The following ANKRD13A variants were observed in gnomAD, a reference collection of about 807,000 sequenced individuals.
ANKRD13A encodes the protein ankyrin repeat domain-containing protein 13A.
ANKRD13A carries 48 observed loss-of-function variants against 81.3 expected under a neutral mutation model. That is an observed-to-expected ratio of 0.59 (90% CI 0.47 to 0.75). The LOEUF (loss-of-function observed/expected upper bound fraction) is 0.75. Ranked by LOEUF, ANKRD13A falls within the 30% of genes least tolerant of loss-of-function variation. ANKRD13A has a pLI of 0.00. For synonymous variants in ANKRD13A, 230 were observed against 270.1 expected (o/e 0.85, Z 1.45); for missense variants, 612 against 734.0 (o/e 0.83, Z 1.92).
intron 1 of ANKRD13A, among the ~76,000 whole-genome samples, chr12:110,006,794 C>T (rs986182451): frequency 6.6e-6 from 1 of 152,152 alleles, no homozygotes; most frequent in Non-Finnish European, 1.5e-5. Flanking sequence ...TGGAGTTTCT[C>T]CATGTTGATC....
At chr12:110,028,377 A>G (rs1891463862) in intron 9 of ANKRD13A, 135 bp from the exon 10 acceptor site, 2 of 929,358 alleles carry the variant, frequency 2.2e-6, no homozygotes, top group East Asian at 5.0e-5. Context: ...TTCTTGTTCC[A>G]TGCAAAAAAG....
At position 109,999,800 on chromosome 12, in the gene ANKRD13A, G is replaced by A. The variant is rs1217330164; in HGVS notation, c.96+16G>A. 1.2e-5 allele frequency: 19 copies of A among 1,526,198 alleles called. No individual in the cohort carries two copies. Among genetic ancestry groups the A allele is most frequent in the Admixed American group, 6.3e-5 (3 of 47,974 alleles). 94.5% of individuals were successfully genotyped at this position (1,526,198 alleles called of 1,614,324 possible). On this transcript the variant is annotated intron_variant, in intron 1 of 14. Transcript: ENST00000261739. This position sits in a 1 kb window ranked among gnomAD's most constrained non-coding sequence, Gnocchi z 4.3. ...GCAGGGCCAGGTGAGGGGCGGGGCGGGGGTCCGTCTCCCGGTGGGGACTTC... is the reference window on the plus strand; with the variant it reads ...GCAGGGCCAGGTGAGGGGCGGGGCGAGGGTCCGTCTCCCGGTGGGGACTTC...
intron 1 of ANKRD13A, among the ~76,000 whole-genome samples, chr12:110,010,453 A>G (rs1310171402): frequency 6.6e-6 from 1 of 152,230 alleles, no homozygotes; most frequent in Non-Finnish European, 1.5e-5. Flanking sequence ...ACTTTTAAAA[A>G]AATATTTAAT....
rs759400191 is a variant in ANKRD13A at position 110,019,192 on chromosome 12, G to A, written c.598G>A (p.Glu200Lys). ...VNHDDKVVTT[E>K]RFDLSQEMER... The stretch of plus-strand genomic sequence containing the variant: ...CCATGATGACAAAGTGGTCACCACC[G>A]AACGCTTCGACCTTTCCCAAGAAAT... Residue 200 changes from glutamate to lysine, a missense_variant, in exon 6 of 15, where the codon GAA becomes AAA. By Grantham distance (56) the Glu-to-Lys change is moderately conservative. Coordinates refer to ENST00000261739, the MANE Select transcript of ANKRD13A (RefSeq NM_033121.2). 3.1e-6 allele frequency: 5 copies of A among 1,613,452 alleles called. No homozygotes were observed. Among genetic ancestry groups the A allele is most frequent in the East Asian group, 2.2e-5 (1 of 44,880 alleles).
At chr12:110,037,248 T>G in intron 14 of ANKRD13A, 111 bp from the exon 15 acceptor site, 1 of 1,101,718 alleles carries the variant, frequency 9.1e-7, no homozygotes, top group South Asian at 1.5e-5. Flanking sequence ...ATCATGCATA[T>G]TAAATGCCTG....
Position 110,033,900 on chromosome 12 carries a change from T to C in ANKRD13A, c.1452T>C (p.Asp484=). The change falls in exon 13 of 15, where the codon GAT becomes GAC. Residue 484 remains aspartate, a synonymous_variant. Transcript: ENST00000261739. The stretch of plus-strand genomic sequence containing the variant: ...GAAATGTGCATTTGCAAGATGAAGA[T>C]TACGAGATAATGCAGTTTGCCATCC... ...NGRNVHLQDE[D]YEIMQFAIQQ... 6.2e-7 allele frequency: 1 copy of C among 1,613,568 alleles called. No individual in the cohort carries two copies. Among genetic ancestry groups the C allele is most frequent in the Non-Finnish European group, 8.5e-7 (1 of 1,179,792 alleles).
chr12:110,037,747 G>A lies in ANKRD13A; in HGVS notation c.*193G>A. 1 of 515,934 alleles carries A rather than the reference G, an allele frequency of 1.9e-6. No individual in the cohort carries two copies. The highest frequency in any genetic ancestry group is 3.2e-5 in the East Asian group (1 of 31,738). The allele number at this position is 515,934 out of a possible 1,614,324, so 32.0% of individuals were successfully genotyped here. A position where few individuals can be genotyped will look rare whatever the true frequency, so the allele number is the denominator to read the frequency against. On this transcript the variant is annotated 3_prime_UTR_variant, in exon 15 of 15. Coordinates refer to ENST00000261739, the MANE Select transcript of ANKRD13A (RefSeq NM_033121.2). ...CAGGCTGCTCCCTGGGGTGGAGAAGGGACCAGGGATTGCAGGCCCCATCTC... is the reference window on the plus strand; with the variant it reads ...CAGGCTGCTCCCTGGGGTGGAGAAGAGACCAGGGATTGCAGGCCCCATCTC...
At chr12:110,004,196 A>G (rs1380352147) in intron 1 of ANKRD13A, among the ~76,000 whole-genome samples, 2 of 152,146 alleles carry the variant, frequency 1.3e-5, no homozygotes, top group Non-Finnish European at 2.9e-5. Context: ...TTTGAGCAAG[A>G]AAAGTGGATG....
chr12:110,035,238 C>G (rs1489300727), intron 13 of ANKRD13A, among the ~76,000 whole-genome samples: 2 of 152,148 alleles, frequency 1.3e-5, no homozygotes, highest in African/African-American at 4.8e-5. Flanking sequence ...CCTTGTTGAC[C>G]ATAAGTTTTA....
In ANKRD13A at chr12:110,036,221, C is replaced by T. The variant is rs768695357; in HGVS notation, c.1510-40C>T. Reference sequence around the variant, plus strand: ...CCTTACCAGAATGGCACCAATTTCTCCTAAGACGTATTCATGTCTATCACA... The same window carrying T: ...CCTTACCAGAATGGCACCAATTTCTTCTAAGACGTATTCATGTCTATCACA... On this transcript the variant is annotated intron_variant, in intron 13 of 14. Coordinates refer to ENST00000261739, the MANE Select transcript of ANKRD13A (RefSeq NM_033121.2). This position sits in a 1 kb window ranked among gnomAD's most constrained non-coding sequence, Gnocchi z 4.6. 1.3e-6 allele frequency: 2 copies of T among 1,588,374 alleles called. No homozygotes were observed. Among genetic ancestry groups the T allele is most frequent in the Non-Finnish European group, 1.7e-6 (2 of 1,156,794 alleles).
At chr12:110,019,111 T>C (rs2137126225) in intron 5 of ANKRD13A, 28 bp from the exon 6 acceptor site, 1 of 1,544,652 alleles carries the variant, frequency 6.5e-7, no homozygotes, top group African/African-American at 1.4e-5. Flanking sequence ...TACTTTGCAC[T>C]TAGTTATGCC....
At position 109,999,687 on chromosome 12, in the gene ANKRD13A, C is replaced by T. The variant is rs759821273; in HGVS notation, c.-2C>T. On this transcript the variant is annotated 5_prime_UTR_variant, in exon 1 of 15. Transcript: ENST00000261739. This position sits in a 1 kb window ranked among gnomAD's most constrained non-coding sequence, Gnocchi z 4.3. ...CGAGGACCAGGTTACGGCCTCCTCG[C>T]CATGTCCTCGGCCTGCGACGCGGGC... is the stretch of plus-strand genomic sequence containing the variant. 6.5e-7 allele frequency: 1 copy of T among 1,533,096 alleles called. No homozygotes were observed. The highest frequency in any genetic ancestry group is 8.8e-7 in the Non-Finnish European group (1 of 1,138,872). 95.0% of individuals were successfully genotyped at this position (1,533,096 alleles called of 1,614,324 possible). A position where few individuals can be genotyped will look rare whatever the true frequency, so the allele number is the denominator to read the frequency against.
chr12:110,003,127 C>T (rs749042310), intron 1 of ANKRD13A, among the ~76,000 whole-genome samples: 12 of 152,174 alleles, frequency 7.9e-5, no homozygotes, highest in Non-Finnish European at 1.6e-4. Context: ...GATGGTGAGA[C>T]ATGAACACTT....
chr12:110,018,729 C>A lies in ANKRD13A; in HGVS notation c.544+241C>A, dbSNP rs571589074. ...CCTTGTGATGTGTCTGCTTCACTTT[C>A]CTGAGCCTTTGAGCACAGGCCTTCT... On this transcript the variant is annotated intron_variant, in intron 5 of 14. Transcript: ENST00000261739. The surrounding 1 kb of genome is among the most constrained non-coding windows in gnomAD (Gnocchi z 4.4). Among the ~76,000 whole-genome samples, 50 of 152,272 alleles carry A rather than the reference C, an allele frequency of 3.3e-4. No homozygotes were observed. Among genetic ancestry groups the A allele is most frequent in the Non-Finnish European group, 5.9e-5 (4 of 68,026 alleles).
chr12:110,035,445 A>AT lies in ANKRD13A; in HGVS notation c.1510-801dup, dbSNP rs112223294. 9.4e-3 allele frequency among the ~76,000 whole-genome samples: 1,367 copies of AT among 146,096 alleles called. 25 individuals are homozygous for AT. The highest frequency in any genetic ancestry group is 0.029 in the African/African-American group (1,168 of 40,232). On this transcript the variant is annotated intron_variant, in intron 13 of 14. Coordinates refer to ENST00000261739, the MANE Select transcript of ANKRD13A (RefSeq NM_033121.2). ...CATAGTGAGATCCTATATCTACCAA[A>AT]TTTTTTTTTTTTTTTAATTTTTGAG...
At chr12:110,027,248 T>A (rs1891395106) in intron 8 of ANKRD13A, 1 of 158,838 alleles carries the variant, frequency 6.3e-6, no homozygotes, top group Non-Finnish European at 1.4e-5. Context: ...ATACCCAACC[T>A]TCCTTAGAGT....
chr12:110,006,342 C>T (rs556777823), intron 1 of ANKRD13A, among the ~76,000 whole-genome samples: 10 of 152,240 alleles, frequency 6.6e-5, no homozygotes, highest in Non-Finnish European at 1.3e-4. Flanking sequence ...TTTGTTTGTA[C>T]GCATCCTAGT....
chr12:110,029,655 A>C lies in ANKRD13A; in HGVS notation c.1234+20A>C. 1 of 1,606,956 alleles carries C rather than the reference A, an allele frequency of 6.2e-7. No individual in the cohort carries two copies. The highest frequency in any genetic ancestry group is 2.2e-5 in the East Asian group (1 of 44,648). On this transcript the variant is annotated intron_variant, in intron 11 of 14. Coordinates refer to ENST00000261739, the MANE Select transcript of ANKRD13A (RefSeq NM_033121.2). ...AAATAGGTACTGCTAAATAAACTTC[A>C]GCAACACTTGGAGGTTCTGCCCATG...
At chr12:110,021,425 C>CTTTTTTTTTTTTTTTTTTTTTTTTCTTTT (rs59262099) in intron 6 of ANKRD13A, 2 of 129,928 alleles carry the variant, frequency 1.5e-5, no homozygotes, top group Non-Finnish European at 3.2e-5. Context: ...TTTTTTCTTT[C>CTTTTTTTTTTTTTTTTTTTTTTTTCTTTT]TTTTTTTTTT....
Sources: allele counts gnomAD v4.1 joint callset (sites outside exome capture counted in the v4.1 genomes callset), GRCh38; gene constraint gnomAD v4.1.1; non-coding constraint Gnocchi (gnomAD v3.1); transcripts MANE v1.5; gene names NCBI Gene and HGNC (gene_info 2026-07-23, HGNC 2026-07-21).